The following FRMD6 variants were observed in gnomAD, a reference collection of about 807,000 sequenced individuals.
The protein encoded by FRMD6 is FERM domain-containing protein 6.
In FRMD6, 37 loss-of-function variants were observed where a neutral mutation model predicts 73.2. That is an observed-to-expected ratio of 0.51 (90% CI 0.39 to 0.66). The LOEUF is 0.66. Among genes scored for constraint, FRMD6 ranks in the 30% least tolerant of loss-of-function variants. The probability of loss-of-function intolerance (pLI) is 0.00; values close to 1 mark genes in which losing one functional copy is unlikely to be tolerated. For missense variants in FRMD6, 714 were observed against 780.5 expected (o/e 0.91, Z 1.02); for synonymous variants, 273 against 282.2 (o/e 0.97, Z 0.33).
the FRMD6 span, among the ~76,000 whole-genome samples, chr14:51,464,558 G>A: frequency 8.5e-5 from 13 of 152,188 alleles, 1 homozygote; most frequent in Admixed American, 3.3e-4. Context: ...CGGGGATGGG[G>A]TAGAGCTGAG....
At position 51,701,151 on chromosome 14, in the gene FRMD6, G is replaced by A; in HGVS notation, c.286G>A (p.Val96Ile). 1.3e-6 allele frequency: 2 copies of A among 1,549,830 alleles called. No individual in the cohort carries two copies. The highest frequency in any genetic ancestry group is 1.2e-5 in the South Asian group (1 of 81,700). ...KEASKVRQYEVTWGIDQFGPP... is the reference protein window; with the variant it reads ...KEASKVRQYEITWGIDQFGPP... ...GGCCAGCAAGGTACGACAATACGAA[G>A]TCACTTGGGTGAGATTACATTTATA... The change falls in exon 4 of 14, where the codon GTC (valine) becomes ATC (isoleucine). Residue 96 changes from valine to isoleucine, a missense_variant. Coordinates refer to ENST00000344768, the MANE Select transcript of FRMD6 (RefSeq NM_001267046.2).
intron 1 of FRMD6, among the ~76,000 whole-genome samples, chr14:51,681,983 C>T (rs1255666745): frequency 6.6e-6 from 1 of 152,144 alleles, no homozygotes; most frequent in African/African-American, 2.4e-5. Context: ...CTGCGTGATT[C>T]TGTAAAACAC....
At chr14:51,699,092 A>G (rs1896128261) in intron 3 of FRMD6, among the ~76,000 whole-genome samples, 1 of 152,116 alleles carries the variant, frequency 6.6e-6, no homozygotes, top group African/African-American at 2.4e-5. Flanking sequence ...TACACCTGCC[A>G]AGTTGGAAAG....
chr14:51,701,663 GTAT>G (rs901759983), intron 4 of FRMD6, among the ~76,000 whole-genome samples: 1 of 149,720 alleles, frequency 6.7e-6, no homozygotes, highest in Non-Finnish European at 1.5e-5. Context: ...CATTAATCAA[GTAT>G]TAATAGCTTA....
chr14:51,441,178 C>T, the FRMD6 span, among the ~76,000 whole-genome samples: 1 of 152,372 alleles, frequency 6.6e-6, no homozygotes, highest in East Asian at 1.9e-4. Flanking sequence ...AGGGCGGGAC[C>T]TCCTCTCTGT....
chr14:51,570,073 C>T (rs918674978), intron 1 of FRMD6, among the ~76,000 whole-genome samples: 114 of 152,224 alleles, frequency 7.5e-4, no homozygotes, highest in African/African-American at 2.7e-3. Context: ...CCTTGGCCTC[C>T]CAAAGTGCTG....
chr14:51,681,800 A>C (rs1353464356), intron 1 of FRMD6, among the ~76,000 whole-genome samples: 1 of 152,210 alleles, frequency 6.6e-6, no homozygotes, highest in Non-Finnish European at 1.5e-5. Flanking sequence ...AAATTTATAA[A>C]ATATGCTTCA....
chr14:51,442,883 A>C, the FRMD6 span, among the ~76,000 whole-genome samples: 3 of 152,242 alleles, frequency 2.0e-5, no homozygotes, highest in African/African-American at 7.2e-5. Context: ...GCAAGAAAAC[A>C]AACAGAGTGA....
intron 1 of FRMD6, among the ~76,000 whole-genome samples, chr14:51,555,553 G>A (rs1351370107): frequency 6.6e-6 from 1 of 152,050 alleles, no homozygotes. Context: ...CTGTAATCCC[G>A]GCACTTTGGG....
the FRMD6 span, among the ~76,000 whole-genome samples, chr14:51,445,379 C>T: frequency 6.7e-3 from 1,020 of 152,158 alleles, 13 homozygotes; most frequent in African/African-American, 0.023. Context: ...TGAGGAGTCT[C>T]GGTTTTTCCT....
At chr14:51,495,004 T>C (rs1326090926) in intron 1 of FRMD6, among the ~76,000 whole-genome samples, 1 of 152,214 alleles carries the variant, frequency 6.6e-6, no homozygotes, top group Non-Finnish European at 1.5e-5. Flanking sequence ...AACAATTTCA[T>C]CTTTACGTCA....
At chr14:51,510,772 A>G (rs1884251943) in intron 1 of FRMD6, among the ~76,000 whole-genome samples, 1 of 152,218 alleles carries the variant, frequency 6.6e-6, no homozygotes, top group African/African-American at 2.4e-5. Context: ...CTCCAAGGCT[A>G]ACACCTGAAG....
the FRMD6 span, among the ~76,000 whole-genome samples, chr14:51,440,700 G>C: frequency 1.3e-5 from 2 of 152,138 alleles, no homozygotes; most frequent in East Asian, 3.8e-4. Flanking sequence ...GAGAGAGAGA[G>C]AAGAGGAGAG....
intron 1 of FRMD6, among the ~76,000 whole-genome samples, chr14:51,653,555 T>C (rs1892588413): frequency 6.6e-6 from 1 of 152,162 alleles, no homozygotes; most frequent in Non-Finnish European, 1.5e-5. Flanking sequence ...AATTTTTTTT[T>C]AGAATTTAGA....
chr14:51,468,046 C>A, the FRMD6 span, among the ~76,000 whole-genome samples: 2 of 152,042 alleles, frequency 1.3e-5, no homozygotes, highest in African/African-American at 2.4e-5. Flanking sequence ...CCCGGCACCT[C>A]GGGAGGCCTA....
chr14:51,722,042 A>G lies in FRMD6; in HGVS notation c.1454A>G (p.Glu485Gly), dbSNP rs1421148567. The change falls in exon 12 of 14, where the codon GAG becomes GGG. Residue 485 changes from glutamate (E) to glycine (G), a missense_variant. Coordinates refer to ENST00000344768, the MANE Select transcript of FRMD6 (RefSeq NM_001267046.2). The part of the protein sequence containing the change: ...VSPDMCIYIT[E>G]DMLMSRKLNG... ...CCAGACATGTGCATCTACATCACAG[A>G]GGACATGCTCATGTCGCGGAAGCTG... The G allele has an allele frequency of 6.2e-7, 1 of 1,614,172 alleles. No homozygotes were observed. The highest frequency in any genetic ancestry group is 1.3e-5 in the African/African-American group (1 of 75,054).
At chr14:51,595,286 T>C (rs1889648087) in intron 2 of FRMD6, among the ~76,000 whole-genome samples, 1 of 152,196 alleles carries the variant, frequency 6.6e-6, no homozygotes, top group Admixed American at 6.5e-5. Context: ...GAAGATCCCT[T>C]TGAACTCAAA....
chr14:51,544,543 A>C (rs1169316533), intron 1 of FRMD6, among the ~76,000 whole-genome samples: 1 of 151,958 alleles, frequency 6.6e-6, no homozygotes, highest in Non-Finnish European at 1.5e-5. Flanking sequence ...TTTTCCTTTG[A>C]GATTTTTTTT....
chr14:51,653,748 G>T (rs2357118), intron 1 of FRMD6, among the ~76,000 whole-genome samples: 16,144 of 152,074 alleles, frequency 0.11, 1,166 homozygotes, highest in Non-Finnish European at 0.16. Context: ...AGAAATAAAC[G>T]TTTTATGTTA....
Sources: allele counts gnomAD v4.1 joint callset (sites outside exome capture counted in the v4.1 genomes callset), GRCh38; gene constraint gnomAD v4.1.1; transcripts MANE v1.5; gene names NCBI Gene and HGNC (gene_info 2026-07-23, HGNC 2026-07-21).